The following BCL2L11 variants were observed in gnomAD, a reference collection of about 807,000 sequenced individuals.
The protein encoded by BCL2L11 is BCL2 like 11.
Under a neutral mutation model 20.6 loss-of-function variants are expected in BCL2L11, and 15 were observed. The ratio of observed to expected loss-of-function variants is 0.73; its 90% CI spans 0.49 to 1.12. BCL2L11 has a LOEUF of 1.12. Ranked by LOEUF, BCL2L11 falls within the 50% of genes most tolerant of loss-of-function variation. The pLI is 0.00. For missense variants in BCL2L11, 292 were observed against 260.9 expected, an observed-to-expected ratio of 1.12 and a Z score of -0.82; for synonymous variants, 108 against 92.8, an observed-to-expected ratio of 1.16 and a Z score of -0.94.
chr2:111,161,943 G>A lies in BCL2L11; in HGVS notation c.499-2190G>A, dbSNP rs113129247. Among the ~76,000 whole-genome samples, 66 of 152,306 alleles carry A rather than the reference G, an allele frequency of 4.3e-4. No individual in the cohort carries two copies. In the South Asian group the frequency reaches 7.0e-3, roughly 16 times the overall value. On this transcript the variant is annotated intron_variant, in intron 3 of 3. Coordinates refer to ENST00000393256, the MANE Select transcript of BCL2L11 (RefSeq NM_138621.5). ...TGAAGCTGTTGGCGCTTTGAGCAGC[G>A]TTGAGCCATCAGTCCTAGTTCTGCG...
At chr2:111,138,067 G>A (rs1331983963) in intron 2 of BCL2L11, among the ~76,000 whole-genome samples, 1 of 145,044 alleles carries the variant, frequency 6.9e-6, no homozygotes, top group Non-Finnish European at 1.5e-5. Context: ...GGAATGCAGT[G>A]CCATGATCTC....
intron 3 of BCL2L11, among the ~76,000 whole-genome samples, chr2:111,159,843 C>T (rs1229408966): frequency 1.3e-5 from 2 of 152,204 alleles, no homozygotes; most frequent in Non-Finnish European, 2.9e-5. Flanking sequence ...TGAGCTTGTG[C>T]CATCTGGTGT....
intron 3 of BCL2L11, among the ~76,000 whole-genome samples, chr2:111,162,375 T>C (rs796438508): frequency 8.5e-5 from 13 of 152,328 alleles, no homozygotes; most frequent in African/African-American, 2.9e-4. Context: ...GGTGTAACTT[T>C]TGCCAAAATT....
intron 2 of BCL2L11, among the ~76,000 whole-genome samples, chr2:111,134,978 T>TG (rs2074604477): frequency 6.6e-6 from 1 of 152,234 alleles, no homozygotes; most frequent in African/African-American, 2.4e-5. Context: ...TGTCTTGTCA[T>TG]GGGTTCTTTG....
intron 2 of BCL2L11, among the ~76,000 whole-genome samples, chr2:111,138,999 T>C (rs935437531): frequency 3.9e-5 from 6 of 152,144 alleles, no homozygotes; most frequent in Non-Finnish European, 8.8e-5. Flanking sequence ...AATGAAGTGC[T>C]CTCTACTGCT....
chr2:111,146,560 G>A (rs962599850), intron 2 of BCL2L11, among the ~76,000 whole-genome samples: 6 of 152,116 alleles, frequency 3.9e-5, no homozygotes, highest in South Asian at 4.1e-4. Flanking sequence ...CTTTGTCATC[G>A]TGGTGGCAAA....
chr2:111,129,766 G>A (rs1367459887), intron 2 of BCL2L11, among the ~76,000 whole-genome samples: 1 of 152,148 alleles, frequency 6.6e-6, no homozygotes, highest in African/African-American at 2.4e-5. Flanking sequence ...TATAGCCACA[G>A]CCACCTTTCT....
At chr2:111,146,964 A>G (rs1980045) in intron 2 of BCL2L11, among the ~76,000 whole-genome samples, 78,277 of 151,988 alleles carry the variant, frequency 0.52, 20,647 homozygotes, top group East Asian at 0.56. Flanking sequence ...CTGTATTTGC[A>G]TCTCAAAAAA....
chr2:111,123,219 A>G (rs1179598352), intron 1 of BCL2L11: 1 of 985,364 alleles, frequency 1.0e-6, no homozygotes, highest in Non-Finnish European at 1.2e-6. Flanking sequence ...ATTGTGACGC[A>G]CTTACTACGA....
At chr2:111,143,678 G>A (rs923649413) in intron 2 of BCL2L11, among the ~76,000 whole-genome samples, 3 of 152,192 alleles carry the variant, frequency 2.0e-5, no homozygotes, top group Non-Finnish European at 4.4e-5. Context: ...CCCACATGGT[G>A]CAAGATGCTG....
chr2:111,127,968 A>G (rs1197690844), intron 2 of BCL2L11, among the ~76,000 whole-genome samples: 8 of 152,056 alleles, frequency 5.3e-5, no homozygotes, highest in Non-Finnish European at 1.2e-4. Context: ...CGTAAAATTT[A>G]CCATCTGAAC....
At chr2:111,154,353 G>GAAAAAA (rs556911619) in intron 3 of BCL2L11, among the ~76,000 whole-genome samples, 1 of 104,492 alleles carries the variant, frequency 9.6e-6, no homozygotes, top group African/African-American at 3.3e-5. Context: ...GCCCTTCTCA[G>GAAAAAA]AAAAAAAAAA....
chr2:111,128,955 T>C (rs2073294956), intron 2 of BCL2L11: 1 of 846,324 alleles, frequency 1.2e-6, no homozygotes, highest in African/African-American at 1.7e-5. Flanking sequence ...ACAGAGGAGC[T>C]GGAGTGTGCA....
At chr2:111,156,198 G>A (rs546479737) in intron 3 of BCL2L11, among the ~76,000 whole-genome samples, 1 of 152,196 alleles carries the variant, frequency 6.6e-6, no homozygotes, top group Admixed American at 6.5e-5. Flanking sequence ...TTCATTAATT[G>A]AATGTTGGAG....
chr2:111,139,684 C>T (rs189963873), intron 2 of BCL2L11, among the ~76,000 whole-genome samples: 1 of 152,112 alleles, frequency 6.6e-6, no homozygotes, highest in Admixed American at 6.5e-5. Flanking sequence ...GGAAGTAAAC[C>T]GTCAGTATAA....
At chr2:111,161,559 A>T in intron 3 of BCL2L11, 1 of 1,539,906 alleles carries the variant, frequency 6.5e-7, no homozygotes, top group Non-Finnish European at 8.7e-7. Context: ...GGGTGTGTTT[A>T]TTGTCTTAGC....
At chr2:111,132,855 G>T (rs73954943) in intron 2 of BCL2L11, among the ~76,000 whole-genome samples, 1 of 152,028 alleles carries the variant, frequency 6.6e-6, no homozygotes, top group East Asian at 1.9e-4. Flanking sequence ...TACCAGGCCT[G>T]TCTTTTTTCA....
At chr2:111,128,491 C>G in intron 2 of BCL2L11, 1 of 1,235,488 alleles carries the variant, frequency 8.1e-7, no homozygotes, top group Non-Finnish European at 1.0e-6. Context: ...TATGGTAATT[C>G]TATTTTTAAT....
chr2:111,162,026 A>T (rs920307165), intron 3 of BCL2L11, among the ~76,000 whole-genome samples: 6 of 152,154 alleles, frequency 3.9e-5, no homozygotes, highest in African/African-American at 1.4e-4. Context: ...CCAGGCCCCG[A>T]CTATAAGCCA....
Sources: allele counts gnomAD v4.1 joint callset (sites outside exome capture counted in the v4.1 genomes callset), GRCh38; gene constraint gnomAD v4.1.1; transcripts MANE v1.5; gene names NCBI Gene and HGNC (gene_info 2026-07-23, HGNC 2026-07-21).